The following SLC20A2 variants were observed in gnomAD, a reference collection of about 807,000 sequenced individuals.
SLC20A2 encodes the protein solute carrier family 20 member 2, also known as sodium-dependent phosphate transporter 2.
Under a neutral mutation model 61.0 loss-of-function variants are expected in SLC20A2, and 30 were observed. The observed-to-expected ratio is 0.49, with a 90% CI of 0.37 to 0.67. SLC20A2 has a LOEUF of 0.67. Ranked by LOEUF, SLC20A2 falls within the 30% of genes least tolerant of loss-of-function variation. The pLI is 0.00. For missense variants in SLC20A2, 626 were observed against 866.4 expected (o/e 0.72, Z 3.48); for synonymous variants, 351 against 353.3 (o/e 0.99, Z 0.07).
At position 42,437,519 on chromosome 8, in the gene SLC20A2, G is replaced by A. The variant is rs1804377652; in HGVS notation, c.993C>T (p.Phe331=). ...CGCTCCTGGTGTGGCCGTCGAAGCC[G>A]AAGGTGCCGTTGGAGATGGGCGATT... ...SVKSPISNGT[F]GFDGHTRSDG... is the part of the protein sequence containing the mutation. Residue 331 remains phenylalanine (F), a synonymous_variant, in exon 8 of 11, where the codon TTC becomes TTT. Coordinates refer to ENST00000520262, the MANE Select transcript of SLC20A2 (RefSeq NM_001257180.2). The surrounding 1 kb of genome is among the most constrained non-coding windows in gnomAD (Gnocchi z 6.4). The A allele has an allele frequency of 1.2e-6, 2 of 1,613,968 alleles. No homozygotes were observed. Among genetic ancestry groups the A allele is most frequent in the Non-Finnish European group, 1.7e-6 (2 of 1,180,022 alleles).
chr8:42,478,212 CTTT>C (rs35343530), intron 1 of SLC20A2, among the ~76,000 whole-genome samples: 3 of 127,520 alleles, frequency 2.4e-5, no homozygotes, highest in Admixed American at 8.8e-5. Context: ...TTTTCCTTTT[CTTT>C]TTTTTTTTTT....
In SLC20A2 at chr8:42,437,241, G is replaced by C; in HGVS notation, c.1271C>G (p.Ser424Cys). Reference protein sequence around the residue: ...EKLVGDTVSYSKKRLRYDSYS... With the variant: ...EKLVGDTVSYCKKRLRYDSYS... ...GCTGTCGTAGCGCAGCCTCTTCTTG[G>C]AGTAGGACACGGTGTCGCCCACCAG... Residue 424 changes from serine to cysteine, a missense_variant, in exon 8 of 11, where the codon TCC (serine) becomes TGC (cysteine). Coordinates refer to ENST00000520262, the MANE Select transcript of SLC20A2 (RefSeq NM_001257180.2). This position sits in a 1 kb window ranked among gnomAD's most constrained non-coding sequence, Gnocchi z 6.4. The C allele has an allele frequency of 6.2e-7, 1 of 1,613,888 alleles. No individual in the cohort carries two copies. The highest frequency in any genetic ancestry group is 8.5e-7 in the Non-Finnish European group (1 of 1,180,030).
At position 42,439,503 on chromosome 8, in the gene SLC20A2, G is replaced by A; in HGVS notation, c.881C>T (p.Thr294Ile). 6.2e-7 allele frequency: 1 copy of A among 1,614,154 alleles called. No individual in the cohort carries two copies. Among genetic ancestry groups the A allele is most frequent in the South Asian group, 1.1e-5 (1 of 91,078 alleles). Reference protein sequence around the residue: ...TIPLTGAAGETLGTSEGTSAG... With the variant: ...TIPLTGAAGEILGTSEGTSAG... The stretch of plus-strand genomic sequence containing the variant: ...AGAAGTGCCTTCCGAGGTCCCCAGT[G>A]TCTCCCCTGCTGCTCCCGTGAGCGG... Residue 294 changes from threonine to isoleucine, a missense_variant, in exon 7 of 11, where the codon ACA becomes ATA. Thr to Ile is a moderately conservative substitution (Grantham distance 89, BLOSUM62 -1). Around this residue, in one of 3 missense-constraint regions of SLC20A2, gnomAD observed 361 missense variants for 422.3 expected, o/e 0.85. Transcript: ENST00000520262.
In SLC20A2 at chr8:42,417,881, G is replaced by A. The variant is rs201829908; in HGVS notation, c.1881C>T (p.Phe627=). The A allele has an allele frequency of 2.0e-5, 33 of 1,613,908 alleles. No individual in the cohort carries two copies. In the East Asian group the frequency reaches 4.0e-4, roughly 20 times the overall value. Residue 627 remains phenylalanine, a synonymous_variant, in exon 11 of 11, where the codon TTC becomes TTT. Coordinates refer to ENST00000520262, the MANE Select transcript of SLC20A2 (RefSeq NM_001257180.2). The part of the protein sequence containing the change: ...RLFRNIFVAW[F]VTVPVAGLFS... Reference sequence around the variant, plus strand: ...ACAGCCCAGCCACAGGGACGGTCACGAACCAGGCCACGAAGATGTTCCGAA... The same window carrying A: ...ACAGCCCAGCCACAGGGACGGTCACAAACCAGGCCACGAAGATGTTCCGAA...
intron 10 of SLC20A2, among the ~76,000 whole-genome samples, chr8:42,418,201 T>C (rs148014747): frequency 6.6e-5 from 10 of 152,346 alleles, no homozygotes; most frequent in African/African-American, 2.4e-4. Flanking sequence ...ACAGTCTCAC[T>C]CTTCACCCAG....
chr8:42,472,296 G>T lies in SLC20A2; in HGVS notation c.95C>A (p.Ser32Tyr). 6.2e-7 allele frequency: 1 copy of T among 1,614,210 alleles called. No individual in the cohort carries two copies. Among genetic ancestry groups the T allele is most frequent in the Non-Finnish European group, 8.5e-7 (1 of 1,180,032 alleles). The change falls in exon 2 of 11, where the codon TCC becomes TAC. Residue 32 changes from serine (S) to tyrosine (Y), a missense_variant. Physicochemically the swap from Ser to Tyr is moderately radical, Grantham distance 144. This residue lies in a region of SLC20A2 where 127 missense variants were observed against 215.4 expected (regional missense o/e 0.59). Transcript: ENST00000520262. The surrounding 1 kb of genome is among the most constrained non-coding windows in gnomAD (Gnocchi z 4.1). ...FSVGANDVANSFGTAVGSGVV... is the reference protein window; with the variant it reads ...FSVGANDVANYFGTAVGSGVV... Reference sequence around the variant, plus strand: ...ACCAGAGCCCACGGCTGTACCAAAGGAGTTGGCAACATCGTTTGCACCAAC... The same window carrying T: ...ACCAGAGCCCACGGCTGTACCAAAGTAGTTGGCAACATCGTTTGCACCAAC...
intron 6 of SLC20A2, among the ~76,000 whole-genome samples, chr8:42,442,196 G>C (rs1338328833): frequency 6.6e-6 from 1 of 152,142 alleles, no homozygotes; most frequent in East Asian, 1.9e-4. Context: ...GCCTCCTAAA[G>C]TTCTGGGATT....
intron 8 of SLC20A2, among the ~76,000 whole-genome samples, chr8:42,431,403 C>A (rs56224107): frequency 0.014 from 2,150 of 152,214 alleles, 40 homozygotes; most frequent in African/African-American, 0.048. Context: ...TGAGAGAAGT[C>A]AGGAAGCTAA....
At chr8:42,481,278 T>A (rs780622793) in intron 1 of SLC20A2, among the ~76,000 whole-genome samples, 4 of 152,216 alleles carry the variant, frequency 2.6e-5, no homozygotes, top group Non-Finnish European at 5.9e-5. Flanking sequence ...AAGACGTGGC[T>A]GCGTCACTGA....
In SLC20A2 at chr8:42,420,011, C is replaced by A. The variant is rs1802935550; in HGVS notation, c.1795-2044G>T. Among the ~76,000 whole-genome samples the A allele has an allele frequency of 2.0e-5, 3 of 152,126 alleles. 1 individual carries two copies. In the Middle Eastern group the frequency reaches 0.01, roughly 517 times the overall value. On this transcript the variant is annotated intron_variant, in intron 10 of 10. Coordinates refer to ENST00000520262, the MANE Select transcript of SLC20A2 (RefSeq NM_001257180.2). ...ACCATGCTGGCTAACAGGGTGAAAC[C>A]CCATCTCTACTAAAAATACAAAAAA... is the stretch of plus-strand genomic sequence containing the variant.
intron 1 of SLC20A2, among the ~76,000 whole-genome samples, chr8:42,482,202 T>G (rs1220156350): frequency 1.3e-5 from 2 of 152,222 alleles, no homozygotes; most frequent in Non-Finnish European, 2.9e-5. Context: ...TTAGTGACAT[T>G]CAAATGGAAT....
intron 5 of SLC20A2, among the ~76,000 whole-genome samples, chr8:42,453,562 C>T (rs190638063): frequency 6.6e-6 from 1 of 152,222 alleles, no homozygotes; most frequent in East Asian, 1.9e-4. Context: ...CGCAGAGATA[C>T]CCCATATGAG....
At chr8:42,458,295 C>A (rs1047672338) in intron 5 of SLC20A2, among the ~76,000 whole-genome samples, 8 of 152,156 alleles carry the variant, frequency 5.3e-5, no homozygotes, top group African/African-American at 1.9e-4. Context: ...GAATACCATA[C>A]ATAAGCTTAT....
At chr8:42,504,871 AAAAAAAAAAAAAAAAG>A (rs1810557462), upstream of SLC20A2, among the ~76,000 whole-genome samples, 2 of 144,364 alleles carry the variant, frequency 1.4e-5, no homozygotes, top group Admixed American at 1.4e-4. Context: ...AAAAAAAAAA[AAAAAAAAAAAAAAAAG>A]GCATGTTCCA....
chr8:42,528,239 A>C (rs180787410), intron 1 of SLC20A2, among the ~76,000 whole-genome samples: 39 of 152,318 alleles, frequency 2.6e-4, no homozygotes, highest in African/African-American at 9.4e-4. Context: ...AGGCAGGCAG[A>C]TCACGAGGTC....
At chr8:42,438,079 A>AC (rs1563455875) in intron 7 of SLC20A2, among the ~76,000 whole-genome samples, 8 of 147,902 alleles carry the variant, frequency 5.4e-5, no homozygotes, top group African/African-American at 1.0e-4. Context: ...AAAAAAAAAA[A>AC]AAAAAAAAAA....
intron 1 of SLC20A2, among the ~76,000 whole-genome samples, chr8:42,495,518 A>G (rs1021402294): frequency 2.0e-5 from 3 of 152,174 alleles, no homozygotes; most frequent in African/African-American, 7.2e-5. Context: ...ACAGACACAG[A>G]TGTAGAAAAT....
At chr8:42,453,371 C>G (rs967110888) in intron 5 of SLC20A2, among the ~76,000 whole-genome samples, 2 of 152,118 alleles carry the variant, frequency 1.3e-5, no homozygotes, top group Admixed American at 6.5e-5. Flanking sequence ...CGAACTTAGT[C>G]TTTGAAGTGT....
At chr8:42,527,796 A>T (rs982216292) in intron 1 of SLC20A2, among the ~76,000 whole-genome samples, 1 of 152,182 alleles carries the variant, frequency 6.6e-6, no homozygotes. Context: ...AAAGGAAAAA[A>T]TTTTGAATGA....
Sources: gnomAD v4.1 joint callset for allele counts (sites outside exome capture counted in the v4.1 genomes callset) on GRCh38, gnomAD v4.1.1 for gene constraint, gnomAD v4.1.1 regional missense constraint, Gnocchi (gnomAD v3.1) non-coding constraint, MANE v1.5 for transcripts, NCBI Gene and HGNC (gene_info 2026-07-23, HGNC 2026-07-21) for gene names.